SULF1: variants seen among roughly 807,000 people sequenced by gnomAD.
The protein encoded by SULF1 is extracellular sulfatase Sulf-1.
Under a neutral mutation model 110.5 loss-of-function variants are expected in SULF1, and 46 were observed. The ratio of observed to expected loss-of-function variants is 0.42; its 90% CI spans 0.33 to 0.53. SULF1 has a LOEUF of 0.53. Ranked by LOEUF, SULF1 falls within the 20% of genes least tolerant of loss-of-function variation. The pLI, the probability that SULF1 is intolerant of heterozygous loss-of-function variation, is 0.12. For synonymous variants in SULF1, 371 were observed against 387.1 expected, an observed-to-expected ratio of 0.96 and a Z score of 0.49; for missense variants, 941 against 1,094.2, an observed-to-expected ratio of 0.86 and a Z score of 1.98.
intron 22 of SULF1, among the ~76,000 whole-genome samples, chr8:69,654,268 T>G (rs559428277): frequency 1.3e-5 from 2 of 152,212 alleles, no homozygotes; most frequent in Non-Finnish European, 2.9e-5. Flanking sequence ...GTTTTCCACC[T>G]TCGGAAGAGA....
intron 3 of SULF1, among the ~76,000 whole-genome samples, chr8:69,526,921 G>T (rs1160592650): frequency 2.0e-5 from 3 of 152,212 alleles, no homozygotes; most frequent in African/African-American, 7.2e-5. Flanking sequence ...GTTTCACTCG[G>T]GTTACAGGAT....
chr8:69,579,255 G>GA (rs1805880413), intron 6 of SULF1, among the ~76,000 whole-genome samples: 1 of 149,080 alleles, frequency 6.7e-6, no homozygotes, highest in South Asian at 2.1e-4. Context: ...TAGTAAATCA[G>GA]AAAAAATAAA....
At chr8:69,626,784 C>T (rs1810094177) in intron 15 of SULF1, among the ~76,000 whole-genome samples, 1 of 152,228 alleles carries the variant, frequency 6.6e-6, no homozygotes, top group East Asian at 1.9e-4. Context: ...CAGCCAAGCC[C>T]ACGCCCATCC....
chr8:69,516,957 C>T (rs1468291537), intron 3 of SULF1, among the ~76,000 whole-genome samples: 3 of 152,140 alleles, frequency 2.0e-5, no homozygotes, highest in Admixed American at 6.6e-5. Flanking sequence ...ATACCAAAAA[C>T]ATCTTCTCAC....
intron 6 of SULF1, among the ~76,000 whole-genome samples, chr8:69,584,874 G>A (rs764666401): frequency 6.6e-6 from 1 of 152,304 alleles, no homozygotes; most frequent in East Asian, 1.9e-4. Context: ...CTATCCCATA[G>A]AGACATCAAA....
intron 5 of SULF1, among the ~76,000 whole-genome samples, chr8:69,569,262 C>G (rs965128058): frequency 6.6e-6 from 1 of 152,166 alleles, no homozygotes; most frequent in African/African-American, 2.4e-5. Context: ...AAAGCCAGAA[C>G]ACAAGATATT....
intron 2 of SULF1, among the ~76,000 whole-genome samples, chr8:69,500,758 G>A (rs1810738480): frequency 6.6e-6 from 1 of 152,182 alleles, no homozygotes; most frequent in Non-Finnish European, 1.5e-5. Context: ...GGCCTAATGG[G>A]TGAGGTGGGC....
chr8:69,573,135 G>T (rs373868319), intron 5 of SULF1, among the ~76,000 whole-genome samples: 1 of 152,124 alleles, frequency 6.6e-6, no homozygotes, highest in Non-Finnish European at 1.5e-5. Flanking sequence ...CCCGAGATTC[G>T]CATTTTCAAG....
chr8:69,569,866 G>A (rs1805101692), intron 5 of SULF1, among the ~76,000 whole-genome samples: 1 of 151,220 alleles, frequency 6.6e-6, no homozygotes, highest in African/African-American at 2.4e-5. Context: ...TTTGGTTTTA[G>A]GTAAAAAACA....
At chr8:69,633,152 C>T (rs10109348) in intron 19 of SULF1, among the ~76,000 whole-genome samples, 4,438 of 152,022 alleles carry the variant, frequency 0.029, 215 homozygotes, top group African/African-American at 0.1. Flanking sequence ...ATTTTGTTCT[C>T]ACTTATTAAA....
chr8:69,497,071 T>G (rs1810412494), intron 2 of SULF1, among the ~76,000 whole-genome samples: 3 of 152,142 alleles, frequency 2.0e-5, no homozygotes. Flanking sequence ...ACTTTGGACC[T>G]TCCAACAACC....
At position 69,514,423 on chromosome 8, in the gene SULF1, C is replaced by T. The variant is rs148202738; in HGVS notation, c.-134+12455C>T. On this transcript the variant is annotated intron_variant, in intron 3 of 22. Transcript: ENST00000402687. ...CATGGAACAGCAAGGGGGAAATTCA[C>T]CCCCATGATTTAATCACCTCCCACC... Among the ~76,000 whole-genome samples, 558 of 152,242 alleles carry T rather than the reference C, an allele frequency of 3.7e-3. 3 individuals are homozygous for T. The highest frequency in any genetic ancestry group is 0.013 in the African/African-American group (533 of 41,548).
rs143680567 is a variant in SULF1, at chr8:69,559,514, T to G, written c.-133-4025T>G. The stretch of plus-strand genomic sequence containing the variant: ...ATACAAGTTTTCCAGAATTCTAATT[T>G]TAACTTGAAAGGTAGATTTCTATCA... On this transcript the variant is annotated intron_variant, in intron 3 of 22. Transcript: ENST00000402687. 1.7e-3 allele frequency among the ~76,000 whole-genome samples: 256 copies of G among 152,350 alleles called. 3 individuals are homozygous for G. The highest frequency in any genetic ancestry group is 5.8e-3 in the African/African-American group (241 of 41,588).
chr8:69,487,425 T>C (rs1315113628), intron 1 of SULF1, among the ~76,000 whole-genome samples: 1 of 152,236 alleles, frequency 6.6e-6, no homozygotes, highest in East Asian at 1.9e-4. Flanking sequence ...TGAGGAATCC[T>C]TTGAAGTGGG....
chr8:69,623,823 A>T, intron 14 of SULF1, 119 bp from the exon 15 acceptor site: 1 of 1,201,510 alleles, frequency 8.3e-7, no homozygotes, highest in Non-Finnish European at 1.2e-6. Flanking sequence ...GATGCCACTC[A>T]GCAATGCAGC....
chr8:69,503,570 A>C (rs1015889036), intron 3 of SULF1, among the ~76,000 whole-genome samples: 1 of 152,192 alleles, frequency 6.6e-6, no homozygotes, highest in African/African-American at 2.4e-5. Context: ...CAGGTTGTGA[A>C]CAATTTTCTT....
At chr8:69,609,160 G>T (rs1808448929) in intron 13 of SULF1, among the ~76,000 whole-genome samples, 1 of 152,074 alleles carries the variant, frequency 6.6e-6, no homozygotes, top group South Asian at 2.1e-4. Flanking sequence ...ACCAGTCTAG[G>T]CAACCTAGGG....
At chr8:69,497,445 C>G (rs1810445845) in intron 2 of SULF1, among the ~76,000 whole-genome samples, 3 of 152,156 alleles carry the variant, frequency 2.0e-5, no homozygotes, top group Admixed American at 2.0e-4. Context: ...CATGAGCCAC[C>G]AGGCCCGGCC....
intron 12 of SULF1, 103 bp from the exon 13 acceptor site, chr8:69,604,700 A>G (rs779135446): frequency 1.2e-5 from 18 of 1,442,474 alleles, no homozygotes; most frequent in Non-Finnish European, 1.7e-5. Flanking sequence ...CTGTTTAAAG[A>G]ATGTGGAGTC....
Sources: gnomAD v4.1 joint callset for allele counts (sites outside exome capture counted in the v4.1 genomes callset) on GRCh38, gnomAD v4.1.1 for gene constraint, MANE v1.5 for transcripts, NCBI Gene and HGNC (gene_info 2026-07-23, HGNC 2026-07-21) for gene names.